Variants in GRB10 observed in about 807,000 individuals in gnomAD.
The protein encoded by GRB10 is growth factor receptor bound protein 10, also known as growth factor receptor-bound protein 10.
A neutral mutation model predicts 80.9 loss-of-function variants in GRB10; 20 were observed. The ratio of observed to expected loss-of-function variants is 0.25; its 90% CI spans 0.17 to 0.36. GRB10 has a LOEUF of 0.36. GRB10 is among the 10% of genes least tolerant of loss of function. The pLI, the probability that GRB10 is intolerant of heterozygous loss-of-function variation, is 1.00. For missense variants in GRB10, 548 were observed against 747.7 expected (o/e 0.73, Z 3.12); for synonymous variants, 291 against 291.5 (o/e 1.00, Z 0.02).
rs532054806 is a variant in GRB10, at chr7:50,674,935, C to T, written c.140-277G>A. Among the ~76,000 whole-genome samples the T allele has an allele frequency of 3.6e-4, 55 of 152,316 alleles. No homozygotes were observed. In the Middle Eastern group the frequency reaches 0.01, roughly 28 times the overall value. On this transcript the variant is annotated intron_variant, in intron 5 of 18. Transcript: ENST00000401949. The stretch of plus-strand genomic sequence containing the variant: ...GAAGCCATTCAGAGCATCTGCTCAG[C>T]TCCCTTCAGCACCCCCTTCTCTCCT...
intron 2 of GRB10, among the ~76,000 whole-genome samples, chr7:50,775,117 C>G (rs2077448663): frequency 7.6e-6 from 1 of 132,176 alleles, no homozygotes; most frequent in Admixed American, 8.7e-5. Flanking sequence ...GCCGAGATCA[C>G]ACCACTGTAC....
intron 5 of GRB10, among the ~76,000 whole-genome samples, chr7:50,687,740 T>C (rs1359938018): frequency 2.0e-5 from 3 of 152,030 alleles, no homozygotes; most frequent in Non-Finnish European, 4.4e-5. Context: ...CCTCAGTACC[T>C]TGTCCTGCCA....
chr7:50,681,461 C>T (rs2715132), intron 5 of GRB10, among the ~76,000 whole-genome samples: 85,731 of 152,186 alleles, frequency 0.56, 24,678 homozygotes, highest in African/African-American at 0.66. Context: ...TCTCCAGACC[C>T]TTTCTTCTTT....
At position 50,630,988 on chromosome 7, in the gene GRB10, T is replaced by C. The variant is rs150107613; in HGVS notation, c.505-4010A>G. Among the ~76,000 whole-genome samples, 428 of 152,302 alleles carry C rather than the reference T, an allele frequency of 2.8e-3. 2 individuals are homozygous for C. The highest frequency in any genetic ancestry group is 9.7e-3 in the African/African-American group (403 of 41,552). On this transcript the variant is annotated intron_variant, in intron 7 of 18. Coordinates refer to ENST00000401949, the MANE Select transcript of GRB10 (RefSeq NM_001350814.2). ...CTTAAAGGAAGAAGTTTAAGAACAA[T>C]TGGAGTTGAAGGTAGATCATTATAT...
At chr7:50,772,649 C>G (rs1307205192) in intron 2 of GRB10, among the ~76,000 whole-genome samples, 1 of 152,158 alleles carries the variant, frequency 6.6e-6, no homozygotes, top group Non-Finnish European at 1.5e-5. Flanking sequence ...ATCTGTTAAA[C>G]TCTTAGAAGA....
intron 7 of GRB10, among the ~76,000 whole-genome samples, chr7:50,660,231 G>A (rs1223146661): frequency 1.3e-5 from 2 of 152,170 alleles, no homozygotes; most frequent in Non-Finnish European, 2.9e-5. Context: ...AAGTGGCAGG[G>A]AGGCGCAACT....
chr7:50,644,571 T>C (rs2056849669), intron 7 of GRB10, among the ~76,000 whole-genome samples: 1 of 152,224 alleles, frequency 6.6e-6, no homozygotes, highest in African/African-American at 2.4e-5. Context: ...CACTGACTGA[T>C]GGGCATTCCG....
rs1168921087 is a variant in GRB10 at position 50,742,270 on chromosome 7, C to T, written c.-46-9902G>A. Among the ~76,000 whole-genome samples the T allele has an allele frequency of 8.2e-4, 6 of 7,336 alleles. 1 individual carries two copies. The highest frequency in any genetic ancestry group is 1.3e-3 in the African/African-American group (4 of 3,138). 4.8% of individuals were successfully genotyped at this position (7,336 alleles called of 152,430 possible). A position where few individuals can be genotyped will look rare whatever the true frequency, so the allele number is the denominator to read the frequency against. On this transcript the variant is annotated intron_variant, in intron 3 of 18. Coordinates refer to ENST00000401949, the MANE Select transcript of GRB10 (RefSeq NM_001350814.2). ...GTGTAAACACACGCGCACGCGCGCG[C>T]GCACACACACACACACACACACACA...
At chr7:50,776,848 C>A (rs1024037689) in intron 2 of GRB10, among the ~76,000 whole-genome samples, 1 of 152,200 alleles carries the variant, frequency 6.6e-6, no homozygotes, top group African/African-American at 2.4e-5. Context: ...TTAGAAGTTT[C>A]TAAGAAGACA....
At chr7:50,659,007 T>C (rs1489886329) in intron 7 of GRB10, among the ~76,000 whole-genome samples, 1 of 152,178 alleles carries the variant, frequency 6.6e-6, no homozygotes, top group Non-Finnish European at 1.5e-5. Flanking sequence ...GAGGATGACA[T>C]TCACCATTTT....
intron 13 of GRB10, among the ~76,000 whole-genome samples, chr7:50,612,085 A>C (rs2049640863): frequency 6.6e-6 from 1 of 152,214 alleles, no homozygotes; most frequent in Non-Finnish European, 1.5e-5. Flanking sequence ...GCATTACTCT[A>C]TATGCAGTAC....
chr7:50,761,401 T>C (rs933891933), intron 2 of GRB10, among the ~76,000 whole-genome samples: 1 of 152,188 alleles, frequency 6.6e-6, no homozygotes, highest in Non-Finnish European at 1.5e-5. Context: ...ATCCAAAGCA[T>C]AGAAGATAAC....
intron 2 of GRB10, among the ~76,000 whole-genome samples, chr7:50,757,005 A>G (rs954001821): frequency 6.6e-6 from 1 of 152,170 alleles, no homozygotes; most frequent in African/African-American, 2.4e-5. Flanking sequence ...GAAGAGTCAG[A>G]AGCTAAATTT....
intron 2 of GRB10, among the ~76,000 whole-genome samples, chr7:50,775,174 C>CAAAAAAA (rs1305513693): frequency 1.4e-5 from 1 of 71,452 alleles, no homozygotes; most frequent in Admixed American, 2.1e-4. Context: ...AAAAAAAAAA[C>CAAAAAAA]AAAAAAAAAC....
intron 3 of GRB10, among the ~76,000 whole-genome samples, chr7:50,750,107 T>C (rs1396683361): frequency 6.6e-6 from 1 of 152,214 alleles, no homozygotes; most frequent in African/African-American, 2.4e-5. Flanking sequence ...ACAGTTGGAA[T>C]GTCTGGCCTG....
chr7:50,658,164 C>T (rs189499778), intron 7 of GRB10, among the ~76,000 whole-genome samples: 14 of 152,326 alleles, frequency 9.2e-5, no homozygotes, highest in Non-Finnish European at 1.8e-4. Flanking sequence ...AAAGTCCCTC[C>T]GTGGCTGCTC....
chr7:50,608,691 G>A (rs962231588), intron 13 of GRB10, among the ~76,000 whole-genome samples: 4 of 152,180 alleles, frequency 2.6e-5, no homozygotes, highest in Admixed American at 6.5e-5. Context: ...TAGGCCGGGC[G>A]CGGTGGTTCA....
intron 1 of GRB10, chr7:50,781,612 G>C (rs1321361701): frequency 6.6e-6 from 1 of 152,240 alleles, no homozygotes; most frequent in African/African-American, 2.4e-5. Flanking sequence ...AGTCTCCCCC[G>C]CCCATAGCCA....
intron 7 of GRB10, among the ~76,000 whole-genome samples, chr7:50,657,359 TTCC>T (rs775194443): frequency 1.6e-4 from 25 of 152,152 alleles, no homozygotes; most frequent in Non-Finnish European, 2.8e-4. Flanking sequence ...TGCTTCCCAC[TTCC>T]TCGAGTGTCT....
Sources: allele counts gnomAD v4.1 joint callset (sites outside exome capture counted in the v4.1 genomes callset), GRCh38; gene constraint gnomAD v4.1.1; transcripts MANE v1.5; gene names NCBI Gene and HGNC (gene_info 2026-07-23, HGNC 2026-07-21).